The following FLT1 variants were observed in gnomAD, a reference collection of about 807,000 sequenced individuals.
The protein encoded by FLT1 is fms related receptor tyrosine kinase 1, also known as vascular endothelial growth factor receptor 1.
In FLT1, 49 loss-of-function variants were observed where a neutral mutation model predicts 156.3. The ratio of observed to expected loss-of-function variants is 0.31; its 90% confidence interval spans 0.25 to 0.40. The LOEUF (loss-of-function observed/expected upper bound fraction) is 0.40. FLT1 is among the 10% of genes least tolerant of loss of function. FLT1 has a pLI of 1.00. For synonymous variants in FLT1, 594 were observed against 583.8 expected (o/e 1.02, Z -0.25); for missense variants, 1,322 against 1,637.2 (o/e 0.81, Z 3.32).
At chr13:28,334,401 G>A (rs918072447) in intron 17 of FLT1, among the ~76,000 whole-genome samples, 1 of 152,234 alleles carries the variant, frequency 6.6e-6, no homozygotes, top group South Asian at 2.1e-4. Flanking sequence ...TTTCCACAGC[G>A]TTCTCCCGTA....
intron 27 of FLT1, 58 bp from the exon 28 acceptor site, chr13:28,308,985 T>C (rs1870870505): frequency 2.0e-6 from 2 of 980,322 alleles, no homozygotes; most frequent in African/African-American, 1.6e-5. Context: ...CTCTAATGAG[T>C]CAGGAGACCA....
intron 10 of FLT1, among the ~76,000 whole-genome samples, chr13:28,424,226 A>G (rs1471453589): frequency 6.6e-6 from 1 of 152,032 alleles, no homozygotes; most frequent in Non-Finnish European, 1.5e-5. Flanking sequence ...GGTATGAGCC[A>G]CTGCACCTGG....
Position 28,336,742 on chromosome 13 carries a change from CTTTTTTTTTTT to C in FLT1, c.2488+2415_2488+2425del, listed in dbSNP as rs548520953. Reference sequence around the variant, plus strand: ...GATGCAGTGTTGAACATTATTCTAACTTTTTTTTTTTTTTTTTTTTTTGGAGACGGAGTCTC... The same window carrying C: ...GATGCAGTGTTGAACATTATTCTAACTTTTTTTTTTTGGAGACGGAGTCTC... On this transcript the variant is annotated intron_variant, in intron 17 of 29. Transcript: ENST00000282397. 9.2e-5 allele frequency among the ~76,000 whole-genome samples: 12 copies of C among 130,214 alleles called. No homozygotes were observed. In the East Asian group the frequency reaches 2.6e-3, roughly 28 times the overall value. The allele number at this position is 130,214 out of a possible 152,430, so 85.4% of individuals were successfully genotyped here. A position where few individuals can be genotyped will look rare whatever the true frequency, so the allele number is the denominator to read the frequency against.
At chr13:28,482,553 G>A (rs1467330525) in intron 1 of FLT1, among the ~76,000 whole-genome samples, 1 of 151,692 alleles carries the variant, frequency 6.6e-6, no homozygotes, top group African/African-American at 2.4e-5. Context: ...ATTGGAAGAG[G>A]AATATTTCTT....
At chr13:28,375,010 C>T (rs1031739461) in intron 14 of FLT1, among the ~76,000 whole-genome samples, 2 of 152,150 alleles carry the variant, frequency 1.3e-5, no homozygotes, top group Admixed American at 1.3e-4. Context: ...CTGTGGCCAG[C>T]AGCTTTCAGG....
At chr13:28,382,245 A>G (rs1874110523) in intron 14 of FLT1, among the ~76,000 whole-genome samples, 1 of 152,198 alleles carries the variant, frequency 6.6e-6, no homozygotes, top group Non-Finnish European at 1.5e-5. Flanking sequence ...TCTGGGTCTT[A>G]AGGGATGCGA....
chr13:28,437,130 G>C (rs1878070528), intron 4 of FLT1, among the ~76,000 whole-genome samples: 1 of 152,136 alleles, frequency 6.6e-6, no homozygotes, highest in South Asian at 2.1e-4. Context: ...TTTTTATCTT[G>C]ACCAACTGAG....
chr13:28,318,365 C>T (rs1443413936), intron 24 of FLT1, among the ~76,000 whole-genome samples: 1 of 152,094 alleles, frequency 6.6e-6, no homozygotes, highest in African/African-American at 2.4e-5. Context: ...GCCAGAGAGG[C>T]CTAGGCTTTG....
Position 28,431,118 on chromosome 13 carries a change from A to T in FLT1, c.988+18T>A. 6.2e-7 allele frequency: 1 copy of T among 1,604,240 alleles called. No homozygotes were observed. Among genetic ancestry groups the T allele is most frequent in the East Asian group, 2.2e-5 (1 of 44,828 alleles). On this transcript the variant is annotated intron_variant, in intron 7 of 29. Coordinates refer to ENST00000282397, the MANE Select transcript of FLT1 (RefSeq NM_002019.4). ...TTAGAAAGCATAGCATGAGTTGGCA[A>T]CGCTGAACTATGCTTACCATATATA...
intron 11 of FLT1, among the ~76,000 whole-genome samples, chr13:28,397,699 T>C (rs1875136889): frequency 6.6e-6 from 1 of 152,034 alleles, no homozygotes; most frequent in African/African-American, 2.4e-5. Flanking sequence ...AAACTTTTTT[T>C]CTATGCTCAA....
intron 14 of FLT1, among the ~76,000 whole-genome samples, chr13:28,365,891 T>C (rs1873273787): frequency 6.6e-6 from 1 of 152,172 alleles, no homozygotes; most frequent in Non-Finnish European, 1.5e-5. Context: ...CAACAGGGCA[T>C]AGAGTAGCAT....
intron 1 of FLT1, among the ~76,000 whole-genome samples, chr13:28,473,474 G>A (rs936119759): frequency 7.3e-5 from 11 of 151,542 alleles, no homozygotes; most frequent in Admixed American, 3.3e-4. Flanking sequence ...GTGAAACCCC[G>A]TCTCTACTAA....
chr13:28,417,824 G>C (rs2137521510), intron 10 of FLT1, among the ~76,000 whole-genome samples: 1 of 152,118 alleles, frequency 6.6e-6, no homozygotes, highest in East Asian at 1.9e-4. Context: ...AAGTGACTAG[G>C]TCAAGGCATG....
At chr13:28,397,506 A>G (rs1875118920) in intron 11 of FLT1, among the ~76,000 whole-genome samples, 1 of 152,134 alleles carries the variant, frequency 6.6e-6, no homozygotes, top group South Asian at 2.1e-4. Flanking sequence ...GTTTGGTTCT[A>G]TAACAGGCAT....
chr13:28,355,639 G>A (rs961396677), intron 15 of FLT1, among the ~76,000 whole-genome samples: 2 of 152,222 alleles, frequency 1.3e-5, no homozygotes, highest in Non-Finnish European at 2.9e-5. Flanking sequence ...GGCTGGAATA[G>A]GGAATGGAGC....
Position 28,438,263 on chromosome 13 carries a change from G to C in FLT1, c.471C>G (p.Pro157=). ...TGATGTTAGGTGACGTAACCCGGCA[G>C]GGAATGACGAGCTCCCTTCCTTCAG... is the stretch of plus-strand genomic sequence containing the variant. The part of the protein sequence containing the change: ...HMTEGRELVI[P]CRVTSPNITV... The change falls in exon 4 of 30, where the codon CCC becomes CCG. Residue 157 remains proline (P), a synonymous_variant. Transcript: ENST00000282397. The C allele has an allele frequency of 6.2e-7, 1 of 1,613,872 alleles. No homozygotes were observed. The highest frequency in any genetic ancestry group is 1.1e-5 in the South Asian group (1 of 91,076).
chr13:28,438,151 A>G (rs1878133124), intron 4 of FLT1, 70 bp downstream of exon 4: 2 of 1,483,678 alleles, frequency 1.3e-6, no homozygotes, highest in Admixed American at 1.7e-5. Flanking sequence ...CCAGAAAGAT[A>G]GAACGAGTAA....
intron 16 of FLT1, among the ~76,000 whole-genome samples, chr13:28,343,021 C>T (rs188773978): frequency 1.3e-5 from 2 of 152,188 alleles, no homozygotes; most frequent in Non-Finnish European, 2.9e-5. Flanking sequence ...CTGTGTCACC[C>T]AGGCTAGAAT....
chr13:28,391,281 G>T (rs1024830676), intron 12 of FLT1, among the ~76,000 whole-genome samples: 1 of 152,150 alleles, frequency 6.6e-6, no homozygotes, highest in Non-Finnish European at 1.5e-5. Flanking sequence ...AAGAAAATAA[G>T]TCTTGGGACC....
Sources: allele counts gnomAD v4.1 joint callset (sites outside exome capture counted in the v4.1 genomes callset), GRCh38; gene constraint gnomAD v4.1.1; transcripts MANE v1.5; gene names NCBI Gene and HGNC (gene_info 2026-07-23, HGNC 2026-07-21).